The following MGAT4B variants were observed in gnomAD, a reference collection of about 807,000 sequenced individuals.
The protein encoded by MGAT4B is N-acetylglucosaminyltransferase IVb.
In MGAT4B, 38 loss-of-function variants were observed where a neutral mutation model predicts 73.9. That is an observed-to-expected ratio of 0.51 (90% CI 0.40 to 0.67). MGAT4B has a LOEUF of 0.67. Ranked by LOEUF, MGAT4B falls within the 30% of genes least tolerant of loss-of-function variation. The pLI is 0.00. For missense variants in MGAT4B, 686 were observed against 735.2 expected (o/e 0.93, Z 0.77); for synonymous variants, 373 against 313.5 (o/e 1.19, Z -2.01).
chr5:179,806,530 G>A lies in MGAT4B; in HGVS notation c.54C>T (p.Ala18=). The part of the protein sequence containing the change: ...FLTLLLFCLC[A]FLSLSWYAAL... ...CCGCGTACCAGGACAGCGAGAGGAAGGCGCACAGGCAGAAGAGCAGCAGCG... is the reference window on the plus strand; with the variant it reads ...CCGCGTACCAGGACAGCGAGAGGAAAGCGCACAGGCAGAAGAGCAGCAGCG... The change falls in exon 1 of 15, where the codon GCC becomes GCT. Residue 18 remains alanine (A), a synonymous_variant. Coordinates refer to ENST00000292591, the MANE Select transcript of MGAT4B (RefSeq NM_014275.5). This position sits in a 1 kb window ranked among gnomAD's most constrained non-coding sequence, Gnocchi z 4.6. 1 of 1,337,800 alleles carries A rather than the reference G, an allele frequency of 7.5e-7. No homozygotes were observed. The highest frequency in any genetic ancestry group is 1.4e-5 in the South Asian group (1 of 70,720). 82.9% of individuals were successfully genotyped at this position (1,337,800 alleles called of 1,614,324 possible).
intron 1 of MGAT4B, chr5:179,803,498 T>C (rs1757028410): frequency 6.5e-6 from 1 of 154,302 alleles, no homozygotes; most frequent in African/African-American, 2.4e-5. Context: ...CCATCAGGAA[T>C]GGGTTCAGAG....
At position 179,797,735 on chromosome 5, in the gene MGAT4B, C is replaced by T. The variant is rs1410340526; in HGVS notation, c.*310G>A. 3 of 366,558 alleles carry T rather than the reference C, an allele frequency of 8.2e-6. No homozygotes were observed. Among genetic ancestry groups the T allele is most frequent in the South Asian group, 4.6e-5 (1 of 21,684 alleles). 22.7% of individuals were successfully genotyped at this position (366,558 alleles called of 1,614,324 possible). ...AGTAGTATATGCATTCCAGTGTTCG[C>T]GCCAGAGACGGCGGGCGCCCAAGTA... On this transcript the variant is annotated 3_prime_UTR_variant, in exon 15 of 15. Coordinates refer to ENST00000292591, the MANE Select transcript of MGAT4B (RefSeq NM_014275.5).
In MGAT4B at chr5:179,806,734, G is replaced by C. The variant is rs1355003509; in HGVS notation, c.-151C>G. Reference sequence around the variant, plus strand: ...GGCGGGGGGCCCGGGGCCGGGCGGGGACCGGGCCAGGGAGCGCGCCGGCCG... The same window carrying C: ...GGCGGGGGGCCCGGGGCCGGGCGGGCACCGGGCCAGGGAGCGCGCCGGCCG... On this transcript the variant is annotated 5_prime_UTR_variant, in exon 1 of 15. Transcript: ENST00000292591. The surrounding 1 kb of genome is among the most constrained non-coding windows in gnomAD (Gnocchi z 4.6). 1.9e-5 allele frequency: 3 copies of C among 157,688 alleles called. No homozygotes were observed. The highest frequency in any genetic ancestry group is 4.0e-5 in the Non-Finnish European group (3 of 75,348). 9.8% of individuals were successfully genotyped at this position (157,688 alleles called of 1,614,324 possible).
intron 1 of MGAT4B, chr5:179,803,759 G>C (rs1199954823): frequency 6.6e-6 from 1 of 152,374 alleles, no homozygotes; most frequent in Non-Finnish European, 1.5e-5. Flanking sequence ...TTTACCAGGA[G>C]ATAAAGGGCC....
intron 5 of MGAT4B, 54 bp from the exon 6 acceptor site, chr5:179,800,651 C>A: frequency 7.5e-7 from 1 of 1,326,428 alleles, no homozygotes; most frequent in South Asian, 1.2e-5. Context: ...TGAGAGGGGC[C>A]GAGCCCACCA....
At position 179,797,767 on chromosome 5, in the gene MGAT4B, C is replaced by T. The variant is rs983334658; in HGVS notation, c.*278G>A. The T allele has an allele frequency of 1.9e-5, 8 of 420,166 alleles. No homozygotes were observed. In the Admixed American group the frequency reaches 3.4e-4, roughly 18 times the overall value. The allele number at this position is 420,166 out of a possible 1,614,324, so 26.0% of individuals were successfully genotyped here. On this transcript the variant is annotated 3_prime_UTR_variant, in exon 15 of 15. Coordinates refer to ENST00000292591, the MANE Select transcript of MGAT4B (RefSeq NM_014275.5). ...GACGGCGGGCGCCCAAGTAAAAGCT[C>T]TTCTAAAACGGCCTGACTGGGGCAG... is the stretch of plus-strand genomic sequence containing the variant.
intron 11 of MGAT4B, 79 bp downstream of exon 11, chr5:179,798,849 G>A (rs1756775628): frequency 5.9e-6 from 9 of 1,521,762 alleles, no homozygotes; most frequent in Non-Finnish European, 6.3e-6. Flanking sequence ...AGAACGTGAG[G>A]ATAACTTGCC....
Position 179,806,055 on chromosome 5 carries a change from G to C in MGAT4B, c.97+432C>G, listed in dbSNP as rs1398645420. On this transcript the variant is annotated intron_variant, in intron 1 of 14. Transcript: ENST00000292591. The surrounding 1 kb of genome is among the most constrained non-coding windows in gnomAD (Gnocchi z 4.6). ...GGGCGCCGAAGGGAGTCCCAGGACC[G>C]GGTGTCACGCCGGGGTCGCCCAGGC... The C allele has an allele frequency of 6.6e-6, 1 of 150,444 alleles. No individual in the cohort carries two copies. The highest frequency in any genetic ancestry group is 6.6e-5 in the Admixed American group (1 of 15,118). 9.3% of individuals were successfully genotyped at this position (150,444 alleles called of 1,614,324 possible). A position where few individuals can be genotyped will look rare whatever the true frequency, so the allele number is the denominator to read the frequency against.
At chr5:179,798,668 C>T in intron 11 of MGAT4B, 77 bp from the exon 12 acceptor site, 1 of 1,516,208 alleles carries the variant, frequency 6.6e-7, no homozygotes, top group Non-Finnish European at 9.1e-7. Flanking sequence ...AGAGAAAGGC[C>T]AGGCCTGCGC....
Position 179,801,897 on chromosome 5 carries a change from C to A in MGAT4B, c.170G>T (p.Ser57Ile), listed in dbSNP as rs780472585. The change falls in exon 2 of 15, where the codon AGC (serine) becomes ATC (isoleucine). Residue 57 changes from serine to isoleucine, a missense_variant. Transcript: ENST00000292591. This position sits in a 1 kb window ranked among gnomAD's most constrained non-coding sequence, Gnocchi z 4.8. ...RDRLHAAEQE[S>I]LKRSKELNLV... ...GTTGAGCTCCTTGGAGCGCTTGAGG[C>A]TCTCCTGCTCAGCTGCGTGCAACCG... is the stretch of plus-strand genomic sequence containing the variant. 1 of 1,613,178 alleles carries A rather than the reference C, an allele frequency of 6.2e-7. No individual in the cohort carries two copies.
At position 179,798,310 on chromosome 5, in the gene MGAT4B, G is replaced by A. The variant is rs777847628; in HGVS notation, c.1511-33C>T. 5 of 1,612,670 alleles carry A rather than the reference G, an allele frequency of 3.1e-6. No individual in the cohort carries two copies. The South Asian group carries it at 5.5e-5, about 18-fold the overall frequency. ...AGGGCAGTGGTGAGAGGGTGTCCCT[G>A]AACCCCAGCCCACGCTCTCCCCCAA... On this transcript the variant is annotated intron_variant, in intron 13 of 14. Coordinates refer to ENST00000292591, the MANE Select transcript of MGAT4B (RefSeq NM_014275.5).
intron 1 of MGAT4B, chr5:179,803,096 C>T (rs1239627770): frequency 3.0e-5 from 30 of 985,400 alleles, no homozygotes; most frequent in Non-Finnish European, 3.4e-5. Context: ...CTTTCCGAAA[C>T]GGGCAGGAGG....
At chr5:179,798,771 G>A (rs1389948815) in intron 11 of MGAT4B, 157 bp downstream of exon 11, 1 of 1,084,034 alleles carries the variant, frequency 9.2e-7, no homozygotes, top group African/African-American at 1.6e-5. Flanking sequence ...TGAGCTCCTA[G>A]GGGCTGCCTG....
rs750040585 is a variant in MGAT4B, at chr5:179,806,455, CCAGGTGCGG to C, written c.97+23_97+31del. 4 of 1,218,346 alleles carry C rather than the reference CCAGGTGCGG, an allele frequency of 3.3e-6. No individual in the cohort carries two copies. Among genetic ancestry groups the C allele is most frequent in the Middle Eastern group, 2.5e-4 (1 of 4,034 alleles). The allele number at this position is 1,218,346 out of a possible 1,614,324, so 75.5% of individuals were successfully genotyped here. Reference sequence around the variant, plus strand: ...CTCCCGCCGCCGACGCCCAGGTGCGCCAGGTGCGGGCCGGGCGGGGGTCGCGCTCACCTT... The same window carrying C: ...CTCCCGCCGCCGACGCCCAGGTGCGCGCCGGGCGGGGGTCGCGCTCACCTT... On this transcript the variant is annotated intron_variant, in intron 1 of 14. Transcript: ENST00000292591. The surrounding 1 kb of genome is among the most constrained non-coding windows in gnomAD (Gnocchi z 4.6).
rs1268107453 is a variant in MGAT4B, at chr5:179,799,994, C to G, written c.870G>C (p.Glu290Asp). ...MKNFALQQPS[E>D]DWMILEFSQL... ...GGGAGAACTCCAGGATCATCCAGTC[C>G]TCTGAAGGCTGCTGCAGTGCAAAGT... is the stretch of plus-strand genomic sequence containing the variant. Residue 290 changes from glutamate to aspartate, a missense_variant, in exon 8 of 15, where the codon GAG (glutamate) becomes GAC (aspartate). Glu to Asp is a conservative substitution (Grantham distance 45, BLOSUM62 2). Coordinates refer to ENST00000292591, the MANE Select transcript of MGAT4B (RefSeq NM_014275.5). The G allele has an allele frequency of 6.2e-7, 1 of 1,614,020 alleles. No homozygotes were observed. The highest frequency in any genetic ancestry group is 1.7e-5 in the Admixed American group (1 of 60,022).
At chr5:179,802,226 G>A in intron 1 of MGAT4B, 2 of 1,448,730 alleles carry the variant, frequency 1.4e-6, no homozygotes, top group South Asian at 1.4e-5. Context: ...CTCTGAGAAG[G>A]CATCTGAAGT....
In MGAT4B at chr5:179,802,061, C is replaced by A. The variant is rs142810587; in HGVS notation, c.98-92G>T. 7 of 1,602,050 alleles carry A rather than the reference C, an allele frequency of 4.4e-6. No individual in the cohort carries two copies. In the East Asian group the frequency reaches 1.6e-4, roughly 36 times the overall value. ...GCCAGCGCACACATCTGGGTGTCCA[C>A]CTCTGCAATAGCTCATTGACATCTG... On this transcript the variant is annotated intron_variant, in intron 1 of 14. Transcript: ENST00000292591.
chr5:179,801,609 C>T lies in MGAT4B; in HGVS notation c.369G>A (p.Leu123=). 6.2e-7 allele frequency: 1 copy of T among 1,607,972 alleles called. No individual in the cohort carries two copies. Among genetic ancestry groups the T allele is most frequent in the Non-Finnish European group, 8.5e-7 (1 of 1,178,264 alleles). The change falls in exon 3 of 15, where the codon CTG becomes CTA. Residue 123 remains leucine, a synonymous_variant. Transcript: ENST00000292591. The surrounding 1 kb of genome is among the most constrained non-coding windows in gnomAD (Gnocchi z 4.8). The stretch of plus-strand genomic sequence containing the variant: ...CGGGCTGCAGACTGCTCTCCTTGGC[C>T]AGCAGGTGTGGCAGGTGATGGAAGA... ...PTVFHHLPHL[L]AKESSLQPAV...
At chr5:179,805,274 C>T (rs888244758) in intron 1 of MGAT4B, 4 of 152,306 alleles carry the variant, frequency 2.6e-5, no homozygotes, top group Non-Finnish European at 5.9e-5. Flanking sequence ...CAGATATGGC[C>T]CCACCTAGGC....
Sources: allele counts gnomAD v4.1 joint callset, GRCh38; gene constraint gnomAD v4.1.1; non-coding constraint Gnocchi (gnomAD v3.1); transcripts MANE v1.5; gene names NCBI Gene and HGNC (gene_info 2026-07-23, HGNC 2026-07-21).